The following RMC1 variants were observed in gnomAD, a reference collection of about 807,000 sequenced individuals.
RMC1 encodes regulator of MON1-CCZ1.
In RMC1, 44 loss-of-function variants were observed where a neutral mutation model predicts 95.5. That is an observed-to-expected ratio of 0.46 (90% CI 0.36 to 0.59). The LOEUF is 0.59. RMC1 is among the 20% of genes least tolerant of loss of function. The probability of loss-of-function intolerance (pLI) is 0.00; values close to 1 mark genes in which losing one functional copy is unlikely to be tolerated. For missense variants in RMC1, 705 were observed against 819.6 expected, an observed-to-expected ratio of 0.86 and a Z score of 1.71; for synonymous variants, 320 against 303.6, an observed-to-expected ratio of 1.05 and a Z score of -0.56.
At chr18:23,531,567 TTC>T in intron 19 of RMC1, 56 bp from the exon 20 acceptor site, 2 of 1,588,744 alleles carry the variant, frequency 1.3e-6, no homozygotes, top group Non-Finnish European at 1.7e-6. Flanking sequence ...ACGAGATGCT[TTC>T]TTTGTCCCTC....
At chr18:23,521,751 G>A (rs1053100626) in intron 10 of RMC1, among the ~76,000 whole-genome samples, 4 of 150,388 alleles carry the variant, frequency 2.7e-5, no homozygotes, top group African/African-American at 9.8e-5. Context: ...GAGGCTAGAA[G>A]TTCAAGATCA....
chr18:23,509,986 T>C (rs2057808938), intron 5 of RMC1, among the ~76,000 whole-genome samples: 1 of 56,764 alleles, frequency 1.8e-5, no homozygotes, highest in Admixed American at 2.4e-4. Flanking sequence ...ATTTTATTCT[T>C]TTTTTTTTTT....
intron 6 of RMC1, 25 bp downstream of exon 6, chr18:23,516,021 A>C: frequency 6.2e-7 from 1 of 1,613,892 alleles, no homozygotes; most frequent in Non-Finnish European, 8.5e-7. Flanking sequence ...CCCCTGAAAA[A>C]AACACCTTTC....
At chr18:23,510,681 C>T (rs1042969473) in intron 5 of RMC1, among the ~76,000 whole-genome samples, 3 of 151,986 alleles carry the variant, frequency 2.0e-5, no homozygotes, top group Non-Finnish European at 4.4e-5. Flanking sequence ...CATGAGCAGA[C>T]ACTTTTTAAA....
intron 1 of RMC1, 116 bp downstream of exon 1, chr18:23,503,836 C>A: frequency 1.1e-6 from 1 of 891,660 alleles, no homozygotes; most frequent in Non-Finnish European, 1.6e-6. Flanking sequence ...CCGTCCCGTC[C>A]CAGCGCGGGA....
At chr18:23,523,190 T>C (rs533353791) in intron 10 of RMC1, among the ~76,000 whole-genome samples, 5 of 152,312 alleles carry the variant, frequency 3.3e-5, no homozygotes, top group East Asian at 1.9e-4. Flanking sequence ...CTGTTCACAA[T>C]GACCCTTTCT....
In RMC1 at chr18:23,519,246, G is replaced by A. The variant is rs1012403761; in HGVS notation, c.849+72G>A. ...CTTGTGAAAATTGGTGGCTGGGCAC[G>A]GTGGATCACGCCTGTAATCCCAGCA... On this transcript the variant is annotated intron_variant, in intron 9 of 19. Transcript: ENST00000269221. 21 of 1,343,842 alleles carry A rather than the reference G, an allele frequency of 1.6e-5. 2 individuals are homozygous for A. Among genetic ancestry groups the A allele is most frequent in the Middle Eastern group, 5.0e-4 (2 of 4,034 alleles). 83.2% of individuals were successfully genotyped at this position (1,343,842 alleles called of 1,614,324 possible).
intron 13 of RMC1, among the ~76,000 whole-genome samples, chr18:23,527,227 A>AAC (rs2058328445): frequency 6.7e-6 from 1 of 149,064 alleles, no homozygotes; most frequent in Non-Finnish European, 1.5e-5. Context: ...TCTCTACAAA[A>AAC]AAAAAAAAAA....
At chr18:23,512,822 T>C (rs2057898820) in intron 5 of RMC1, among the ~76,000 whole-genome samples, 1 of 152,222 alleles carries the variant, frequency 6.6e-6, no homozygotes, top group African/African-American at 2.4e-5. Flanking sequence ...GTTAAGTATA[T>C]TCATTCACAT....
chr18:23,516,506 G>A (rs781634271), intron 7 of RMC1, 83 bp downstream of exon 7: 5 of 1,389,342 alleles, frequency 3.6e-6, no homozygotes, highest in African/African-American at 2.9e-5. Flanking sequence ...CAAGCACCAC[G>A]TGATGCCCTG....
intron 5 of RMC1, among the ~76,000 whole-genome samples, chr18:23,511,726 G>A (rs1415165871): frequency 6.6e-6 from 1 of 150,838 alleles, no homozygotes. Flanking sequence ...GTATTCCACT[G>A]TATGGATGGA....
chr18:23,529,549 A>C, intron 15 of RMC1, 86 bp from the exon 16 acceptor site: 1 of 1,342,724 alleles, frequency 7.4e-7, no homozygotes, highest in East Asian at 2.3e-5. Context: ...TTAAGATGGA[A>C]ACAAGGTGGG....
intron 5 of RMC1, among the ~76,000 whole-genome samples, chr18:23,515,653 C>T (rs2057982385): frequency 6.6e-6 from 1 of 152,196 alleles, no homozygotes. Flanking sequence ...GTGCCTCAGC[C>T]TTCTGAGTAG....
Position 23,503,525 on chromosome 18 carries a change from A to AGCCGCC in RMC1, c.-91_-86dup. 2.5e-6 allele frequency: 2 copies of AGCCGCC among 801,862 alleles called. No homozygotes were observed. Among genetic ancestry groups the AGCCGCC allele is most frequent in the Non-Finnish European group, 3.4e-6 (2 of 584,146 alleles). The allele number at this position is 801,862 out of a possible 1,614,324, so 49.7% of individuals were successfully genotyped here. Reference sequence around the variant, plus strand: ...GCGCCGGGCCCAGAGCCGCAGCCGCAGCCGCCGCTACAGTCCGGGCCGGGC... The same window carrying AGCCGCC: ...GCGCCGGGCCCAGAGCCGCAGCCGCAGCCGCCGCCGCCGCTACAGTCCGGGCCGGGC... On this transcript the variant is annotated 5_prime_UTR_variant, in exon 1 of 20. Transcript: ENST00000269221.
chr18:23,516,145 A>C, intron 6 of RMC1, 149 bp downstream of exon 6: 1 of 1,343,804 alleles, frequency 7.4e-7, no homozygotes, highest in Non-Finnish European at 1.0e-6. Flanking sequence ...TATACCCGTC[A>C]GCTCCTGGAG....
At chr18:23,519,427 A>G (rs1224126580) in intron 9 of RMC1, among the ~76,000 whole-genome samples, 2 of 151,926 alleles carry the variant, frequency 1.3e-5, no homozygotes, top group African/African-American at 4.8e-5. Context: ...CTAAGGCTGG[A>G]GGATGGCTTG....
At chr18:23,524,505 C>A in intron 12 of RMC1, 23 bp downstream of exon 12, 1 of 1,611,606 alleles carries the variant, frequency 6.2e-7, no homozygotes, top group South Asian at 1.1e-5. Flanking sequence ...GGACAGTTGT[C>A]GTGTTACAAC....
At chr18:23,517,111 C>G (rs2145193811) in intron 7 of RMC1, among the ~76,000 whole-genome samples, 1 of 151,646 alleles carries the variant, frequency 6.6e-6, no homozygotes. Flanking sequence ...AGACATGGAA[C>G]TAAATTACGT....
intron 5 of RMC1, among the ~76,000 whole-genome samples, chr18:23,513,449 G>A (rs2057917625): frequency 2.6e-5 from 4 of 152,166 alleles, no homozygotes; most frequent in African/African-American, 9.7e-5. Flanking sequence ...ATCTGTTGAG[G>A]GACATTTGGG....
Sources: allele counts gnomAD v4.1 joint callset (sites outside exome capture counted in the v4.1 genomes callset), GRCh38; gene constraint gnomAD v4.1.1; transcripts MANE v1.5; gene names NCBI Gene and HGNC (gene_info 2026-07-23, HGNC 2026-07-21).